The following WDFY4 variants were observed in gnomAD, a reference collection of about 807,000 sequenced individuals.
WDFY4 encodes the protein WD repeat- and FYVE domain-containing protein 4.
A neutral mutation model predicts 351.9 loss-of-function variants in WDFY4; 169 were observed. That is an observed-to-expected ratio of 0.48 (90% CI 0.42 to 0.55). WDFY4 has a LOEUF of 0.55. WDFY4 is among the 20% of genes least tolerant of loss of function. The pLI is 0.00. For synonymous variants in WDFY4, 1,622 were observed against 1,574.6 expected, an observed-to-expected ratio of 1.03 and a Z score of -0.71; for missense variants, 3,803 against 3,935.6, an observed-to-expected ratio of 0.97 and a Z score of 0.90.
In WDFY4 at chr10:48,803,304, G is replaced by T; in HGVS notation, c.4429G>T (p.Asp1477Tyr). 1 of 1,552,006 alleles carries T rather than the reference G, an allele frequency of 6.4e-7. No individual in the cohort carries two copies. Among genetic ancestry groups the T allele is most frequent in the East Asian group, 2.4e-5 (1 of 40,928 alleles). ...CTTCCAGCTCTGGATGAATACTGCA[G>T]ACAATCTGGAGCTCAGCCTCTTTTC... ...CNFELWMNTA[D>Y]NLELSLFSHL... The change falls in exon 25 of 62, where the codon GAC (aspartate) becomes TAC (tyrosine). Residue 1477 changes from aspartate (D) to tyrosine (Y), a missense_variant. By Grantham distance (160) the Asp-to-Tyr change is radical. Transcript: ENST00000325239.
intron 32 of WDFY4, among the ~76,000 whole-genome samples, chr10:48,819,698 G>T (rs1289247859): frequency 6.6e-6 from 1 of 152,176 alleles, no homozygotes; most frequent in Non-Finnish European, 1.5e-5. Context: ...TTAGAGGAAA[G>T]AACTCTTTGG....
At chr10:48,834,216 T>C (rs574973099) in intron 39 of WDFY4, among the ~76,000 whole-genome samples, 3 of 152,198 alleles carry the variant, frequency 2.0e-5, no homozygotes, top group South Asian at 4.1e-4. Context: ...GATTTTGTAA[T>C]AGCTGCATCA....
At chr10:48,977,037 CTTCTCACTT>C in intron 59 of WDFY4, 58 bp downstream of exon 59, 1 of 1,302,334 alleles carries the variant, frequency 7.7e-7, no homozygotes, top group Non-Finnish European at 9.9e-7. Flanking sequence ...CATCTCCATT[CTTCTCACTT>C]CCTCCAGGGG....
intron 50 of WDFY4, 106 bp downstream of exon 50, chr10:48,946,263 T>G: frequency 1.1e-6 from 1 of 892,664 alleles, no homozygotes; most frequent in South Asian, 1.6e-5. Flanking sequence ...AGTAATTGCA[T>G]TTGAATAGAG....
rs77831629 is a variant in WDFY4 at position 48,707,787 on chromosome 10, G to A, written c.-17-1929G>A. 5.3e-3 allele frequency among the ~76,000 whole-genome samples: 801 copies of A among 152,184 alleles called. 8 individuals carry two copies. The highest frequency in any genetic ancestry group is 0.019 in the African/African-American group (773 of 41,502). ...ACTCACCAAGTGAGAGTGTGGGTGG[G>A]GTGGGGACACAGGGAATGCGAATGG... On this transcript the variant is annotated intron_variant, in intron 1 of 61. Coordinates refer to ENST00000325239, the MANE Select transcript of WDFY4 (RefSeq NM_001394531.1).
intron 13 of WDFY4, among the ~76,000 whole-genome samples, chr10:48,773,451 C>T (rs1041194804): frequency 6.6e-6 from 1 of 152,332 alleles, no homozygotes; most frequent in East Asian, 1.9e-4. Context: ...ACCCTTTATC[C>T]AGCCTGGGAA....
chr10:48,789,619 G>A (rs1406324913), intron 21 of WDFY4, among the ~76,000 whole-genome samples: 2 of 152,212 alleles, frequency 1.3e-5, no homozygotes, highest in East Asian at 3.8e-4. Context: ...TGAGCACGTG[G>A]GACACTGGTG....
chr10:48,953,663 C>T (rs565753062), intron 51 of WDFY4, among the ~76,000 whole-genome samples: 1 of 152,364 alleles, frequency 6.6e-6, no homozygotes, highest in South Asian at 2.1e-4. Flanking sequence ...TGTCAGCCTG[C>T]TGATAAAACC....
chr10:48,692,834 C>T (rs944012625), intron 1 of WDFY4, among the ~76,000 whole-genome samples: 3 of 152,152 alleles, frequency 2.0e-5, no homozygotes, highest in Non-Finnish European at 2.9e-5. Flanking sequence ...TTACTGAGAT[C>T]GTATCTTGAT....
intron 33 of WDFY4, 59 bp from the exon 34 acceptor site, chr10:48,821,003 G>A (rs1445001232): frequency 4.9e-6 from 6 of 1,230,260 alleles, no homozygotes; most frequent in South Asian, 3.9e-5. Context: ...GAGGCGGTGG[G>A]CACTGGGTGC....
chr10:48,689,215 C>T (rs1233969881), intron 1 of WDFY4, among the ~76,000 whole-genome samples: 1 of 152,216 alleles, frequency 6.6e-6, no homozygotes, highest in Non-Finnish European at 1.5e-5. Context: ...TGTAATCTCC[C>T]TCCAAGTGCT....
chr10:48,877,565 C>A (rs2070071736), intron 43 of WDFY4, among the ~76,000 whole-genome samples: 1 of 152,222 alleles, frequency 6.6e-6, no homozygotes, highest in Non-Finnish European at 1.5e-5. Flanking sequence ...TGTGGCCTGA[C>A]CACCCTGAGA....
intron 47 of WDFY4, among the ~76,000 whole-genome samples, chr10:48,939,098 G>A (rs890356828): frequency 7.2e-5 from 11 of 152,182 alleles, no homozygotes; most frequent in Non-Finnish European, 1.3e-4. Context: ...TGTCCACTGG[G>A]CTGACTGAGC....
chr10:48,890,583 C>T lies in WDFY4; in HGVS notation c.7172C>T (p.Thr2391Met), dbSNP rs371328718. 114 of 1,551,712 alleles carry T rather than the reference C, an allele frequency of 7.3e-5. No individual in the cohort carries two copies. In the East Asian group the frequency reaches 1.6e-3, roughly 22 times the overall value. ...LQELLDKEKVTQKFSLVIVQG... is the reference protein window; with the variant it reads ...LQELLDKEKVMQKFSLVIVQG... The stretch of plus-strand genomic sequence containing the variant: ...TCTGCCACTCTCTCCTTCCAGGTGA[C>T]GCAGAAGTTCTCCCTGGTGATTGTG... The change falls in exon 44 of 62, where the codon ACG (threonine) becomes ATG (methionine). Residue 2391 changes from threonine to methionine, a missense_variant. Coordinates refer to ENST00000325239, the MANE Select transcript of WDFY4 (RefSeq NM_001394531.1).
intron 47 of WDFY4, among the ~76,000 whole-genome samples, chr10:48,917,286 C>T (rs987627696): frequency 1.3e-5 from 2 of 152,130 alleles, no homozygotes; most frequent in African/African-American, 4.8e-5. Flanking sequence ...TATACTTACA[C>T]CTGTATCTCA....
intron 1 of WDFY4, among the ~76,000 whole-genome samples, chr10:48,687,075 G>C (rs1188284326): frequency 2.0e-5 from 3 of 152,102 alleles, no homozygotes; most frequent in African/African-American, 7.2e-5. Context: ...GAAATGAAAA[G>C]CTATCTTAGC....
chr10:48,805,310 A>G lies in WDFY4; in HGVS notation c.4535A>G (p.Lys1512Arg). 6.5e-7 allele frequency: 1 copy of G among 1,547,924 alleles called. No homozygotes were observed. The highest frequency in any genetic ancestry group is 8.7e-7 in the Non-Finnish European group (1 of 1,146,974). ...EAAHQAQLIP[K>R]LIFLFNEPSL... Reference sequence around the variant, plus strand: ...GCCCACCAGGCACAGCTTATACCCAAGCTCATCTTCCTATTCAATGAGCCG... The same window carrying G: ...GCCCACCAGGCACAGCTTATACCCAGGCTCATCTTCCTATTCAATGAGCCG... The change falls in exon 26 of 62, where the codon AAG (lysine) becomes AGG (arginine). Residue 1512 changes from lysine (K) to arginine (R), a missense_variant. This residue lies in a region of WDFY4 where 3,054 missense variants were observed against 3,148.6 expected (regional missense o/e 0.97). Transcript: ENST00000325239.
At position 48,774,661 on chromosome 10, in the gene WDFY4, G is replaced by T; in HGVS notation, c.2757G>T (p.Pro919=). ...FEKLASQAIE[P]DVLRQFLGLG... ...AGCTCGCTTCCCAGGCCATTGAACC[G>T]GATGTGCTAAGGTACCACATGCTGC... Residue 919 remains proline (P), a synonymous_variant, in exon 14 of 62, where the codon CCG becomes CCT. Transcript: ENST00000325239. The T allele has an allele frequency of 1.3e-6, 2 of 1,551,706 alleles. No individual in the cohort carries two copies. Among genetic ancestry groups the T allele is most frequent in the Middle Eastern group, 1.7e-4 (1 of 5,992 alleles).
chr10:48,786,601 T>G (rs1221883369), intron 19 of WDFY4, 38 bp from the exon 20 acceptor site: 2 of 1,473,722 alleles, frequency 1.4e-6, no homozygotes, highest in Non-Finnish European at 1.8e-6. Flanking sequence ...AACTCTGAGA[T>G]CAAACACTAC....
Sources: gnomAD v4.1 joint callset for allele counts (sites outside exome capture counted in the v4.1 genomes callset) on GRCh38, gnomAD v4.1.1 for gene constraint, gnomAD v4.1.1 regional missense constraint, MANE v1.5 for transcripts, NCBI Gene and HGNC (gene_info 2026-07-23, HGNC 2026-07-21) for gene names.